Variants in TDP1 observed in about 807,000 individuals in gnomAD.
TDP1 encodes tyr-DNA phosphodiesterase 1.
In TDP1, 64 loss-of-function variants were observed where a neutral mutation model predicts 81.5. That is an observed-to-expected ratio of 0.79 (90% CI 0.64 to 0.97). The LOEUF is 0.97. TDP1 is among the 50% of genes least tolerant of loss of function. TDP1 has a pLI of 0.00. For missense variants in TDP1, 723 were observed against 743.8 expected (o/e 0.97, Z 0.33); for synonymous variants, 256 against 264.3 (o/e 0.97, Z 0.30).
chr14:90,018,619 C>A (rs1252150579), intron 14 of TDP1, among the ~76,000 whole-genome samples: 2 of 152,142 alleles, frequency 1.3e-5, no homozygotes, highest in Non-Finnish European at 2.9e-5. Flanking sequence ...CGTCACCATG[C>A]CTGGCTAATG....
intron 8 of TDP1, 30 bp downstream of exon 8, chr14:89,980,662 G>T: frequency 6.5e-7 from 1 of 1,546,964 alleles, no homozygotes; most frequent in Non-Finnish European, 8.9e-7. Context: ...CTTCCTGGCA[G>T]TGTGTGTGTT....
chr14:90,033,271 G>T, intron 16 of TDP1, 57 bp downstream of exon 16: 1 of 1,025,028 alleles, frequency 9.8e-7, no homozygotes, highest in Non-Finnish European at 1.5e-6. Flanking sequence ...AACAAACAGA[G>T]CCCAGGAGAA....
Position 89,987,724 on chromosome 14 carries a change from T to A in TDP1, c.1132-1181T>A, listed in dbSNP as rs35497225. 3.4e-3 allele frequency among the ~76,000 whole-genome samples: 522 copies of A among 152,338 alleles called. 6 individuals are homozygous for A. The highest frequency in any genetic ancestry group is 0.012 in the African/African-American group (510 of 41,574). On this transcript the variant is annotated intron_variant, in intron 10 of 16. Coordinates refer to ENST00000335725, the MANE Select transcript of TDP1 (RefSeq NM_018319.4). The stretch of plus-strand genomic sequence containing the variant: ...GCAGTCCCCTGGTGGGAGAAAGTTC[T>A]GCTCTGGAGCTTCTAAGCACATAGA...
At chr14:90,006,602 T>G (rs1897714243) in intron 14 of TDP1, among the ~76,000 whole-genome samples, 1 of 152,050 alleles carries the variant, frequency 6.6e-6, no homozygotes, top group African/African-American at 2.4e-5. Context: ...AATGGCATGA[T>G]CTCAGCTCAC....
chr14:90,035,973 A>T (rs1004452200), intron 16 of TDP1, among the ~76,000 whole-genome samples: 1 of 152,154 alleles, frequency 6.6e-6, no homozygotes, highest in Non-Finnish European at 1.5e-5. Flanking sequence ...CTTCCAGTAA[A>T]GTAAGCATTC....
At chr14:89,997,295 T>G (rs142866319) in intron 14 of TDP1, among the ~76,000 whole-genome samples, 13 of 152,328 alleles carry the variant, frequency 8.5e-5, no homozygotes, top group Middle Eastern at 6.8e-3. Context: ...ATGTGGAGGC[T>G]GATGAAGCCT....
intron 6 of TDP1, chr14:89,975,375 C>G (rs933221231): frequency 9.1e-6 from 9 of 984,846 alleles, no homozygotes; most frequent in Middle Eastern, 5.2e-4. Context: ...CGCACCTGGC[C>G]TTCAGTGTTT....
Position 89,988,897 on chromosome 14 carries a change from T to A in TDP1, c.1132-8T>A. On this transcript the variant is annotated splice_polypyrimidine_tract_variant and splice_region_variant and intron_variant, in intron 10 of 16. Transcript: ENST00000335725. ...GTCACTTTAACATTCACTTTTATTC[T>A]TTCCCAGCTTCTGAAAGACCATGCC... is the stretch of plus-strand genomic sequence containing the variant. The A allele has an allele frequency of 6.2e-7, 1 of 1,614,038 alleles. No individual in the cohort carries two copies. Among genetic ancestry groups the A allele is most frequent in the Non-Finnish European group, 8.5e-7 (1 of 1,179,912 alleles).
At chr14:90,036,655 T>G (rs1887844772) in intron 16 of TDP1, among the ~76,000 whole-genome samples, 1 of 152,166 alleles carries the variant, frequency 6.6e-6, no homozygotes, top group African/African-American at 2.4e-5. Context: ...GAGAGCCTAT[T>G]GTGTGCAGAC....
rs772583714 is a variant in TDP1 at position 89,963,152 on chromosome 14, C to G, written c.38C>G (p.Ser13Cys). 3 of 1,614,038 alleles carry G rather than the reference C, an allele frequency of 1.9e-6. No homozygotes were observed. In the South Asian group the frequency reaches 3.3e-5, roughly 18 times the overall value. ...GGCGATTATGGGAGGTGGACCATAT[C>G]TAGTAGTGATGAAAGTGAGGAAGAA... ...QEGDYGRWTI[S>C]SSDESEEEKP... Residue 13 changes from serine to cysteine, a missense_variant, in exon 3 of 17, where the codon TCT becomes TGT. Ser to Cys is a moderately radical substitution (Grantham distance 112). Transcript: ENST00000335725.
chr14:89,995,240 C>A (rs902109995), intron 14 of TDP1, among the ~76,000 whole-genome samples: 5 of 152,146 alleles, frequency 3.3e-5, no homozygotes, highest in Admixed American at 2.6e-4. Flanking sequence ...CCAGACTGTT[C>A]TGGGTGAGCA....
rs558340887 is a variant in TDP1, at chr14:89,985,884, G to A, written c.1131+674G>A. Among the ~76,000 whole-genome samples the A allele has an allele frequency of 5.9e-5, 9 of 152,160 alleles. No homozygotes were observed. The South Asian group carries it at 6.2e-4, about 11-fold the overall frequency. ...TCTACTAAAAATACAAAAATTAGCCGGGCATGATGGCAGGCACCTGTAATC... is the reference window on the plus strand; with the variant it reads ...TCTACTAAAAATACAAAAATTAGCCAGGCATGATGGCAGGCACCTGTAATC... On this transcript the variant is annotated intron_variant, in intron 10 of 16. Transcript: ENST00000335725.
At chr14:89,957,122 C>T (rs1891751067) in intron 2 of TDP1, 1 of 152,184 alleles carries the variant, frequency 6.6e-6, no homozygotes, top group Non-Finnish European at 1.5e-5. Context: ...CAGCAGGTTC[C>T]TTTTGGCCCT....
Position 89,991,714 on chromosome 14 carries a change from TACTG to T in TDP1, c.1367-201_1367-198del, listed in dbSNP as rs776113649. On this transcript the variant is annotated intron_variant, in intron 12 of 16. Transcript: ENST00000335725. Reference sequence around the variant, plus strand: ...GTTTATAAGATTTGCATAAAGTTAATACTGAAGGAAGGAAACCTCGTTAAGAGAA... The same window carrying T: ...GTTTATAAGATTTGCATAAAGTTAATAAGGAAGGAAACCTCGTTAAGAGAA... 9 of 945,200 alleles carry T rather than the reference TACTG, an allele frequency of 9.5e-6. No individual in the cohort carries two copies. In the South Asian group the frequency reaches 1.5e-4, roughly 15 times the overall value. The allele number at this position is 945,200 out of a possible 1,614,324, so 58.6% of individuals were successfully genotyped here. A position where few individuals can be genotyped will look rare whatever the true frequency, so the allele number is the denominator to read the frequency against.
chr14:90,039,748 G>A (rs929100580), intron 16 of TDP1, among the ~76,000 whole-genome samples: 4 of 152,026 alleles, frequency 2.6e-5, no homozygotes, highest in African/African-American at 9.7e-5. Flanking sequence ...TGAGTTGAGG[G>A]AGGTGAGTAA....
chr14:90,003,096 C>T (rs772817404), intron 14 of TDP1, among the ~76,000 whole-genome samples: 1 of 152,080 alleles, frequency 6.6e-6, no homozygotes, highest in Non-Finnish European at 1.5e-5. Flanking sequence ...TGCCACCATG[C>T]CCAGCTAATT....
intron 2 of TDP1, among the ~76,000 whole-genome samples, chr14:89,961,380 G>A (rs979476391): frequency 5.3e-5 from 8 of 152,200 alleles, no homozygotes; most frequent in Non-Finnish European, 1.2e-4. Context: ...TCTGGCAGTA[G>A]GTGAGCTGCA....
At chr14:89,960,944 G>A (rs545802299) in intron 2 of TDP1, among the ~76,000 whole-genome samples, 108 of 152,266 alleles carry the variant, frequency 7.1e-4, no homozygotes, top group Middle Eastern at 6.8e-3. Flanking sequence ...CTTATAAAGG[G>A]CTACAGCCTG....
At chr14:90,040,180 C>T (rs1168056310) in intron 16 of TDP1, among the ~76,000 whole-genome samples, 1 of 152,148 alleles carries the variant, frequency 6.6e-6, no homozygotes, top group Non-Finnish European at 1.5e-5. Context: ...TTCATCTTCC[C>T]AGTTCTGGTC....
Sources: gnomAD v4.1 joint callset for allele counts (sites outside exome capture counted in the v4.1 genomes callset) on GRCh38, gnomAD v4.1.1 for gene constraint, MANE v1.5 for transcripts, NCBI Gene and HGNC (gene_info 2026-07-23, HGNC 2026-07-21) for gene names.